The following ISL1 variants were observed in gnomAD, a reference collection of about 807,000 sequenced individuals.
ISL1 encodes the protein insulin gene enhancer protein ISL-1.
ISL1 carries 4 observed loss-of-function variants against 35.3 expected under a neutral mutation model. That is an observed-to-expected ratio of 0.11 (90% confidence interval 0.06 to 0.26). The LOEUF is 0.26. ISL1 is among the 10% of genes least tolerant of loss of function. ISL1 has a pLI of 1.00. For missense variants in ISL1, 340 were observed against 472.8 expected, an observed-to-expected ratio of 0.72 and a Z score of 2.60; for synonymous variants, 186 against 172.3, an observed-to-expected ratio of 1.08 and a Z score of -0.62.
In ISL1 at chr5:51,393,806, A is replaced by G; in HGVS notation, c.*196A>G. 2 of 620,810 alleles carry G rather than the reference A, an allele frequency of 3.2e-6. No individual in the cohort carries two copies. The highest frequency in any genetic ancestry group is 5.1e-5 in the Admixed American group (2 of 39,508). The allele number at this position is 620,810 out of a possible 1,614,324, so 38.5% of individuals were successfully genotyped here. A position where few individuals can be genotyped will look rare whatever the true frequency, so the allele number is the denominator to read the frequency against. Reference sequence around the variant, plus strand: ...ACTGTGAAGACAATCATGGGATTTTACTAGAATTAAACAACAAACAAAACG... The same window carrying G: ...ACTGTGAAGACAATCATGGGATTTTGCTAGAATTAAACAACAAACAAAACG... On this transcript the variant is annotated 3_prime_UTR_variant, in exon 6 of 6. Coordinates refer to ENST00000230658, the MANE Select transcript of ISL1 (RefSeq NM_002202.3).
chr5:51,393,040 C>T (rs1747554317), intron 5 of ISL1, among the ~76,000 whole-genome samples: 1 of 152,102 alleles, frequency 6.6e-6, no homozygotes, highest in African/African-American at 2.4e-5. Flanking sequence ...TTCTGTGGAG[C>T]CTCCTCTCAA....
At position 51,383,699 on chromosome 5, in the gene ISL1, A is replaced by C; in HGVS notation, c.28A>C (p.Lys10Gln). 2 of 1,611,058 alleles carry C rather than the reference A, an allele frequency of 1.2e-6. No homozygotes were observed. The highest frequency in any genetic ancestry group is 1.7e-6 in the Non-Finnish European group (2 of 1,177,140). Reference protein sequence around the residue: MGDMGDPPKKKRLISLCVGC... With the variant: MGDMGDPPKQKRLISLCVGC... ...GGGAGACATGGGAGATCCACCAAAAAGTAAGAGGCTATTTTACCTTGTGGG... is the reference window on the plus strand; with the variant it reads ...GGGAGACATGGGAGATCCACCAAAACGTAAGAGGCTATTTTACCTTGTGGG... The change falls in exon 1 of 6, where the codon AAA becomes CAA. Residue 10 changes from lysine to glutamine, a missense_variant and splice_region_variant. Lys to Gln is a moderately conservative substitution (Grantham distance 53). Transcript: ENST00000230658.
At chr5:51,384,318 C>A (rs1269137028) in intron 1 of ISL1, among the ~76,000 whole-genome samples, 2 of 149,880 alleles carry the variant, frequency 1.3e-5, no homozygotes, top group South Asian at 2.1e-4. Context: ...TTCCAATCTG[C>A]ATTTTACATA....
chr5:51,389,047 G>C lies in ISL1; in HGVS notation c.479-599G>C, dbSNP rs575875340. Among the ~76,000 whole-genome samples the C allele has an allele frequency of 3.3e-5, 5 of 152,284 alleles. No homozygotes were observed. The highest frequency in any genetic ancestry group is 1.2e-4 in the African/African-American group (5 of 41,562). ...ATCTCTTCAGCCCCTTCACATGACT[G>C]TCCTCTCGGACTGAAGTTCAAGGCG... is the stretch of plus-strand genomic sequence containing the variant. On this transcript the variant is annotated intron_variant, in intron 3 of 5. Coordinates refer to ENST00000230658, the MANE Select transcript of ISL1 (RefSeq NM_002202.3). This position sits in a 1 kb window ranked among gnomAD's most constrained non-coding sequence, Gnocchi z 5.0.
chr5:51,386,679 T>C, intron 2 of ISL1: 1 of 452,930 alleles, frequency 2.2e-6, no homozygotes, highest in Non-Finnish European at 4.4e-6. Context: ...TTTGCATTTT[T>C]TTCATTCTGG....
At chr5:51,386,398 G>GTGTC (rs1747343855) in intron 2 of ISL1, 11 of 363,406 alleles carry the variant, frequency 3.0e-5, no homozygotes, top group South Asian at 2.3e-4. Flanking sequence ...GTGTGTGTGT[G>GTGTC]TGTGTGTGTG....
In ISL1 at chr5:51,387,891, T is replaced by A; in HGVS notation, c.478+142T>A. On this transcript the variant is annotated intron_variant, in intron 3 of 5. Transcript: ENST00000230658. The surrounding 1 kb of genome is among the most constrained non-coding windows in gnomAD (Gnocchi z 4.3). ...GAAGTGTTCTGTATGCAATTTGCGC[T>A]GTGCTCTGCTCCTTTGCAGCAAGGT... The A allele has an allele frequency of 9.2e-7, 1 of 1,088,172 alleles. No homozygotes were observed. The highest frequency in any genetic ancestry group is 1.3e-6 in the Non-Finnish European group (1 of 748,420). The allele number at this position is 1,088,172 out of a possible 1,614,324, so 67.4% of individuals were successfully genotyped here.
At chr5:51,383,737 G>A in intron 1 of ISL1, 38 bp downstream of exon 1, 4 of 1,582,302 alleles carry the variant, frequency 2.5e-6, no homozygotes, top group Middle Eastern at 1.7e-4. Flanking sequence ...TCGGTGTGCT[G>A]TTCTTGTGCG....
At chr5:51,390,446 G>A (rs535478760) in intron 4 of ISL1, among the ~76,000 whole-genome samples, 1 of 151,918 alleles carries the variant, frequency 6.6e-6, no homozygotes, top group African/African-American at 2.4e-5. Context: ...CTTCAGGCTG[G>A]CGAGTTCCCC....
intron 4 of ISL1, among the ~76,000 whole-genome samples, chr5:51,390,724 T>G (rs1747493705): frequency 7.1e-6 from 1 of 140,308 alleles, no homozygotes; most frequent in African/African-American, 2.6e-5. Context: ...TCTGCTGTCA[T>G]TAAACTTGGC....
intron 3 of ISL1, among the ~76,000 whole-genome samples, chr5:51,388,774 C>T (rs149840762): frequency 6.6e-6 from 1 of 152,150 alleles, no homozygotes; most frequent in Non-Finnish European, 1.5e-5. Flanking sequence ...TAGTTTGCAC[C>T]GGGGCACGGC....
At chr5:51,392,751 G>A (rs929946807) in intron 5 of ISL1, among the ~76,000 whole-genome samples, 4 of 152,182 alleles carry the variant, frequency 2.6e-5, no homozygotes, top group African/African-American at 9.7e-5. Context: ...TCAGATGAGA[G>A]CAGTGGAAGG....
In ISL1 at chr5:51,387,763, C is replaced by T. The variant is rs781629258; in HGVS notation, c.478+14C>T. On this transcript the variant is annotated intron_variant, in intron 3 of 5. Transcript: ENST00000230658. This position sits in a 1 kb window ranked among gnomAD's most constrained non-coding sequence, Gnocchi z 4.3. ...TGCAAATGGCAGGTACTCCTCTGCC[C>T]GGCTCGGGTAGGCAGGCGCCAGGTT... 18 of 1,613,466 alleles carry T rather than the reference C, an allele frequency of 1.1e-5. No homozygotes were observed. The highest frequency in any genetic ancestry group is 1.5e-5 in the Non-Finnish European group (18 of 1,179,916).
At position 51,390,235 on chromosome 5, in the gene ISL1, C is replaced by T. The variant is rs541803950; in HGVS notation, c.765+303C>T. On this transcript the variant is annotated intron_variant, in intron 4 of 5. Coordinates refer to ENST00000230658, the MANE Select transcript of ISL1 (RefSeq NM_002202.3). ...CGCCTGTACCTGTGAACCGGAGAAA[C>T]GCCGTCCTCCCCTCTGAGGGCAGGC... Among the ~76,000 whole-genome samples, 11 of 152,274 alleles carry T rather than the reference C, an allele frequency of 7.2e-5. No homozygotes were observed. In the South Asian group the frequency reaches 2.3e-3, roughly 32 times the overall value.
chr5:51,394,372 G>T lies in ISL1; in HGVS notation c.*762G>T, dbSNP rs1194191192. 9 of 150,820 alleles carry T rather than the reference G, an allele frequency of 6.0e-5. No homozygotes were observed. The highest frequency in any genetic ancestry group is 2.0e-4 in the African/African-American group (8 of 40,642). The allele number at this position is 150,820 out of a possible 1,614,324, so 9.3% of individuals were successfully genotyped here. On this transcript the variant is annotated 3_prime_UTR_variant, in exon 6 of 6. Transcript: ENST00000230658. Reference sequence around the variant, plus strand: ...TTGTGTTTGACTTGTGTCTGTCCAAGAACTTTTCCCCCAAAGATGTGTATA... The same window carrying T: ...TTGTGTTTGACTTGTGTCTGTCCAATAACTTTTCCCCCAAAGATGTGTATA...
rs1233235247 is a variant in ISL1, at chr5:51,387,225, G to C, written c.219-265G>C. On this transcript the variant is annotated intron_variant, in intron 2 of 5. Coordinates refer to ENST00000230658, the MANE Select transcript of ISL1 (RefSeq NM_002202.3). The surrounding 1 kb of genome is among the most constrained non-coding windows in gnomAD (Gnocchi z 4.3). ...GCTAAGAGTTACCAACTAAGACAGA[G>C]GTTCATCGGAAAGGAAACGGGAGTA... Among the ~76,000 whole-genome samples the C allele has an allele frequency of 2.6e-5, 4 of 152,088 alleles. No homozygotes were observed. The East Asian group carries it at 7.7e-4, about 29-fold the overall frequency.
chr5:51,391,666 G>T (rs528118807), intron 5 of ISL1, among the ~76,000 whole-genome samples: 1 of 152,022 alleles, frequency 6.6e-6, no homozygotes, highest in Admixed American at 6.5e-5. Flanking sequence ...CATATAGGTT[G>T]AATTTTCTAT....
chr5:51,393,929 G>C lies in ISL1; in HGVS notation c.*319G>C. The C allele has an allele frequency of 2.8e-6, 1 of 358,414 alleles. No individual in the cohort carries two copies. Among genetic ancestry groups the C allele is most frequent in the Non-Finnish European group, 5.2e-6 (1 of 192,368 alleles). The allele number at this position is 358,414 out of a possible 1,614,324, so 22.2% of individuals were successfully genotyped here. A position where few individuals can be genotyped will look rare whatever the true frequency, so the allele number is the denominator to read the frequency against. Reference sequence around the variant, plus strand: ...TTTATATTCAAGGATCTCAAAGAAAGCATTTTCATTTCACTGCACATCTAG... The same window carrying C: ...TTTATATTCAAGGATCTCAAAGAAACCATTTTCATTTCACTGCACATCTAG... On this transcript the variant is annotated 3_prime_UTR_variant, in exon 6 of 6. Transcript: ENST00000230658.
Position 51,387,502 on chromosome 5 carries a change from C to T in ISL1, c.231C>T (p.Ile77=). ...CTCCCCCGCACAGGTTGTACGGGAT[C>T]AAATGCGCCAAGTGCAGCATCGGCT... The part of the protein sequence containing the change: ...CKRDYIRLYG[I]KCAKCSIGFS... The change falls in exon 3 of 6, where the codon ATC becomes ATT. Residue 77 remains isoleucine (I), a synonymous_variant. Transcript: ENST00000230658. This position sits in a 1 kb window ranked among gnomAD's most constrained non-coding sequence, Gnocchi z 4.3. 6.2e-7 allele frequency: 1 copy of T among 1,614,098 alleles called. No individual in the cohort carries two copies. Among genetic ancestry groups the T allele is most frequent in the South Asian group, 1.1e-5 (1 of 91,048 alleles).
Sources: allele counts gnomAD v4.1 joint callset (sites outside exome capture counted in the v4.1 genomes callset), GRCh38; gene constraint gnomAD v4.1.1; non-coding constraint Gnocchi (gnomAD v3.1); transcripts MANE v1.5; gene names NCBI Gene and HGNC (gene_info 2026-07-23, HGNC 2026-07-21).